ANKMY2: variants seen among roughly 807,000 people sequenced by gnomAD.
ANKMY2 encodes the protein ankyrin repeat and MYND domain containing 2.
A neutral mutation model predicts 50.4 loss-of-function variants in ANKMY2; 36 were observed. The observed-to-expected ratio is 0.71, with a 90% CI of 0.55 to 0.94. The LOEUF is 0.94. ANKMY2 is among the 40% of genes least tolerant of loss of function. The probability of loss-of-function intolerance (pLI) is 0.00; values close to 1 mark genes in which losing one functional copy is unlikely to be tolerated. For missense variants in ANKMY2, 565 were observed against 524.0 expected (o/e 1.08, Z -0.76); for synonymous variants, 187 against 178.8 (o/e 1.05, Z -0.36).
intron 5 of ANKMY2, among the ~76,000 whole-genome samples, chr7:16,613,014 C>G (rs17169562): frequency 0.049 from 7,487 of 152,180 alleles, 243 homozygotes; most frequent in African/African-American, 0.094. Flanking sequence ...ACTGCTAAAT[C>G]TACAATACTG....
At chr7:16,626,628 A>G (rs1359388015) in intron 3 of ANKMY2, among the ~76,000 whole-genome samples, 1 of 152,214 alleles carries the variant, frequency 6.6e-6, no homozygotes, top group Non-Finnish European at 1.5e-5. Context: ...GTAAGTTTCT[A>G]AAGGGATCAT....
chr7:16,619,338 G>C (rs1781401560), intron 4 of ANKMY2, among the ~76,000 whole-genome samples: 1 of 152,020 alleles, frequency 6.6e-6, no homozygotes, highest in African/African-American at 2.4e-5. Flanking sequence ...TTTTTTAGTA[G>C]AGGCGGGGTT....
At chr7:16,618,541 A>T (rs17382388) in intron 4 of ANKMY2, among the ~76,000 whole-genome samples, 33,091 of 152,108 alleles carry the variant, frequency 0.22, 4,217 homozygotes, top group Middle Eastern at 0.3. Flanking sequence ...CTATGCTTTT[A>T]TTAAGTACCA....
Position 16,615,805 on chromosome 7 carries a change from G to A in ANKMY2, c.470C>T (p.Pro157Leu), listed in dbSNP as rs766594734. 2 of 1,614,188 alleles carry A rather than the reference G, an allele frequency of 1.2e-6. No individual in the cohort carries two copies. The highest frequency in any genetic ancestry group is 2.2e-5 in the East Asian group (1 of 44,884). Residue 157 changes from proline (P) to leucine (L), a missense_variant, in exon 5 of 10, where the codon CCC becomes CTC. Pro to Leu is a moderately conservative substitution (Grantham distance 98, BLOSUM62 -3). Coordinates refer to ENST00000306999, the MANE Select transcript of ANKMY2 (RefSeq NM_020319.3). ...PQGLDKEPKL[P>L]PKLAGPLHKI... The stretch of plus-strand genomic sequence containing the variant: ...GTGCAGCGGGCCTGCCAACTTTGGG[G>A]GCAGTTTTGGCTCTTTATCCAGTCC...
chr7:16,610,876 T>A, intron 5 of ANKMY2, 113 bp from the exon 6 acceptor site: 2 of 880,404 alleles, frequency 2.3e-6, no homozygotes, highest in South Asian at 1.7e-5. Flanking sequence ...TTCCTTAGGA[T>A]CATGAAGTTA....
chr7:16,600,931 C>T lies in ANKMY2; in HGVS notation c.1156G>A (p.Val386Ile). ...TCTTCATTAACACAGTTAGAATTGACATCAAGTTTGCCGTCTGATTAAAAA... is the reference window on the plus strand; with the variant it reads ...TCTTCATTAACACAGTTAGAATTGATATCAAGTTTGCCGTCTGATTAAAAA... ...RQEENHGKLD[V>I]NSNCVNEEQP... The change falls in exon 10 of 10, where the codon GTC (valine) becomes ATC (isoleucine). Residue 386 changes from valine to isoleucine, a missense_variant. By Grantham distance (29) the Val-to-Ile change is conservative. Coordinates refer to ENST00000306999, the MANE Select transcript of ANKMY2 (RefSeq NM_020319.3). 6.3e-7 allele frequency: 1 copy of T among 1,591,446 alleles called. No individual in the cohort carries two copies. Among genetic ancestry groups the T allele is most frequent in the South Asian group, 1.1e-5 (1 of 87,928 alleles).
Position 16,625,013 on chromosome 7 carries a change from T to C in ANKMY2, c.340A>G (p.Arg114Gly). Residue 114 changes from arginine (R) to glycine (G), a missense_variant, in exon 4 of 10, where the codon AGA becomes GGA. Physicochemically the swap from Arg to Gly is moderately radical, Grantham distance 125. Coordinates refer to ENST00000306999, the MANE Select transcript of ANKMY2 (RefSeq NM_020319.3). ...AAGGCTGCCATCTGAGCTGCTGTTC[T>C]TCCCACAGAGTTGACAACATCTGTC... ...AETDVVNSVG[R>G]TAAQMAAFVG... 2 of 1,614,118 alleles carry C rather than the reference T, an allele frequency of 1.2e-6. No homozygotes were observed. Among genetic ancestry groups the C allele is most frequent in the Non-Finnish European group, 1.7e-6 (2 of 1,179,986 alleles).
At chr7:16,604,984 AC>A in intron 7 of ANKMY2, 135 bp from the exon 8 acceptor site, 1 of 851,932 alleles carries the variant, frequency 1.2e-6, no homozygotes, top group Non-Finnish European at 1.6e-6. Context: ...TATAGATTAC[AC>A]AGGCTTTAAG....
chr7:16,638,445 A>C (rs1456045197), intron 1 of ANKMY2, among the ~76,000 whole-genome samples: 1 of 152,236 alleles, frequency 6.6e-6, no homozygotes, highest in African/African-American at 2.4e-5. Context: ...ATGAACAGCC[A>C]GATGGAAGAG....
At chr7:16,644,354 T>C (rs184284324) in intron 1 of ANKMY2, among the ~76,000 whole-genome samples, 1 of 152,348 alleles carries the variant, frequency 6.6e-6, no homozygotes, top group East Asian at 1.9e-4. Context: ...CTTAGAATAG[T>C]TGAGATCAGA....
At chr7:16,625,530 CT>C (rs1204436995) in intron 3 of ANKMY2, among the ~76,000 whole-genome samples, 2 of 152,180 alleles carry the variant, frequency 1.3e-5, no homozygotes, top group Non-Finnish European at 2.9e-5. Context: ...CACCTTTTTT[CT>C]ATCTAAACAT....
At chr7:16,612,272 C>T (rs1156586334) in intron 5 of ANKMY2, among the ~76,000 whole-genome samples, 3 of 152,216 alleles carry the variant, frequency 2.0e-5, no homozygotes, top group Non-Finnish European at 4.4e-5. Flanking sequence ...AAGCCCATAG[C>T]TAGCCCTCTA....
intron 4 of ANKMY2, among the ~76,000 whole-genome samples, chr7:16,617,917 G>GT (rs780533044): frequency 0.026 from 2,896 of 110,438 alleles, 19 homozygotes; most frequent in Middle Eastern, 0.037. Flanking sequence ...CAGTGAGCGT[G>GT]TTTTTTTTTT....
chr7:16,623,116 T>C (rs954727851), intron 4 of ANKMY2, among the ~76,000 whole-genome samples: 24 of 152,268 alleles, frequency 1.6e-4, no homozygotes, highest in Admixed American at 1.1e-3. Context: ...TGCTGTGTGA[T>C]GGGTGGCATT....
intron 2 of ANKMY2, 110 bp from the exon 3 acceptor site, chr7:16,627,288 G>C: frequency 1.6e-6 from 1 of 612,988 alleles, no homozygotes; most frequent in Non-Finnish European, 2.6e-6. Context: ...AATTAAAATG[G>C]TCATTATAAT....
intron 2 of ANKMY2, among the ~76,000 whole-genome samples, chr7:16,630,425 A>G (rs1384576398): frequency 6.6e-6 from 1 of 152,242 alleles, no homozygotes; most frequent in Non-Finnish European, 1.5e-5. Flanking sequence ...TAGTCTGCTT[A>G]ACTGAATAGC....
chr7:16,637,885 A>T (rs1781689006), intron 1 of ANKMY2, among the ~76,000 whole-genome samples: 1 of 152,248 alleles, frequency 6.6e-6, no homozygotes, highest in South Asian at 2.1e-4. Context: ...GATTGTAAGC[A>T]TGTCAAAACC....
At chr7:16,627,629 T>C (rs1781524114) in intron 2 of ANKMY2, among the ~76,000 whole-genome samples, 1 of 152,234 alleles carries the variant, frequency 6.6e-6, no homozygotes, top group African/African-American at 2.4e-5. Context: ...GAATGATTCA[T>C]CTGTATCTAC....
At chr7:16,645,341 C>T (rs940367930) in intron 1 of ANKMY2, among the ~76,000 whole-genome samples, 166 bp downstream of exon 1, 1 of 152,158 alleles carries the variant, frequency 6.6e-6, no homozygotes, top group Admixed American at 6.5e-5. Context: ...CCTCTCCGCC[C>T]CTGCAACCTT....
Sources: gnomAD v4.1 joint callset for allele counts (sites outside exome capture counted in the v4.1 genomes callset) on GRCh38, gnomAD v4.1.1 for gene constraint, MANE v1.5 for transcripts, NCBI Gene and HGNC (gene_info 2026-07-23, HGNC 2026-07-21) for gene names.